The following NSMAF variants were observed in gnomAD, a reference collection of about 807,000 sequenced individuals.
NSMAF encodes the protein neutral sphingomyelinase activation associated factor, also known as protein FAN.
NSMAF carries 90 observed loss-of-function variants against 134.9 expected under a neutral mutation model. That is an observed-to-expected ratio of 0.67 (90% CI 0.56 to 0.79). NSMAF has a LOEUF of 0.79. Among genes scored for constraint, NSMAF ranks in the 30% least tolerant of loss-of-function variants. NSMAF has a pLI of 0.00. For missense variants in NSMAF, 1,010 were observed against 1,119.0 expected (o/e 0.90, Z 1.39); for synonymous variants, 358 against 389.6 (o/e 0.92, Z 0.96).
At chr8:58,627,336 T>C (rs1806958727) in intron 6 of NSMAF, among the ~76,000 whole-genome samples, 1 of 152,162 alleles carries the variant, frequency 6.6e-6, no homozygotes, top group African/African-American at 2.4e-5. Flanking sequence ...ACCACTTCTA[T>C]TCAACATAGT....
In NSMAF at chr8:58,602,052, A is replaced by G; in HGVS notation, c.1125+6T>C. 6.2e-7 allele frequency: 1 copy of G among 1,608,022 alleles called. No individual in the cohort carries two copies. The highest frequency in any genetic ancestry group is 8.5e-7 in the Non-Finnish European group (1 of 1,175,338). On this transcript the variant is annotated splice_donor_region_variant and intron_variant, in intron 14 of 30. Transcript: ENST00000038176. ...TTAGAAACCAAGAATCTCTAAGTCC[A>G]CATACCAGTAGTCTCTCCAGCCGTT...
At chr8:58,620,264 A>C (rs950401428) in intron 9 of NSMAF, among the ~76,000 whole-genome samples, 1 of 152,224 alleles carries the variant, frequency 6.6e-6, no homozygotes, top group African/African-American at 2.4e-5. Flanking sequence ...AAGAAGAATA[A>C]GCAACAGCCA....
intron 1 of NSMAF, among the ~76,000 whole-genome samples, chr8:58,650,120 G>A (rs894500425): frequency 3.3e-5 from 5 of 152,152 alleles, no homozygotes; most frequent in African/African-American, 4.8e-5. Context: ...CCCATCTTGC[G>A]AAAGTTCATC....
intron 12 of NSMAF, among the ~76,000 whole-genome samples, chr8:58,604,801 T>C (rs1444202296): frequency 1.3e-5 from 2 of 152,148 alleles, no homozygotes; most frequent in Admixed American, 1.3e-4. Flanking sequence ...TGAATTGCAG[T>C]GGTGTGATCA....
At chr8:58,589,950 C>T in intron 25 of NSMAF, 57 bp downstream of exon 25, 2 of 1,454,072 alleles carry the variant, frequency 1.4e-6, no homozygotes, top group Non-Finnish European at 1.9e-6. Context: ...CACCTCATGT[C>T]CACAGAGGCA....
At chr8:58,603,452 G>A (rs1218293041) in intron 12 of NSMAF, 66 bp from the exon 13 acceptor site, 2 of 1,489,986 alleles carry the variant, frequency 1.3e-6, no homozygotes, top group Non-Finnish European at 1.9e-6. Context: ...AAAGCTAGGG[G>A]CTTAACGTGT....
intron 6 of NSMAF, among the ~76,000 whole-genome samples, chr8:58,628,450 TCTC>T (rs1426904005): frequency 6.6e-6 from 1 of 152,222 alleles, no homozygotes; most frequent in Non-Finnish European, 1.5e-5. Context: ...CAGATACCTG[TCTC>T]CTTTTATGTT....
chr8:58,601,192 C>CT, intron 16 of NSMAF, 93 bp downstream of exon 16: 3 of 1,105,562 alleles, frequency 2.7e-6, no homozygotes, highest in Non-Finnish European at 4.0e-6. Context: ...CATTTCTTTA[C>CT]TTTTTTATTA....
intron 19 of NSMAF, among the ~76,000 whole-genome samples, chr8:58,598,802 C>G (rs994119429): frequency 2.0e-5 from 3 of 152,020 alleles, no homozygotes; most frequent in Non-Finnish European, 4.4e-5. Context: ...GTGGGCAGAT[C>G]ACCTGAGGTC....
At chr8:58,599,918 A>G in intron 17 of NSMAF, 48 bp from the exon 18 acceptor site, 1 of 1,613,326 alleles carries the variant, frequency 6.2e-7, no homozygotes, top group Non-Finnish European at 8.5e-7. Flanking sequence ...CATGTTTTAA[A>G]GCAGTTAGAA....
At chr8:58,640,774 C>T (rs1017616748) in intron 2 of NSMAF, among the ~76,000 whole-genome samples, 6 of 152,008 alleles carry the variant, frequency 3.9e-5, no homozygotes, top group African/African-American at 1.4e-4. Flanking sequence ...GTTGATCAGG[C>T]TGGTCTCAAA....
At chr8:58,602,520 A>G (rs55909077) in intron 13 of NSMAF, among the ~76,000 whole-genome samples, 13,199 of 152,182 alleles carry the variant, frequency 0.087, 1,542 homozygotes, top group African/African-American at 0.27. Flanking sequence ...TTATTCTTCA[A>G]TATTAGCCTA....
intron 1 of NSMAF, among the ~76,000 whole-genome samples, chr8:58,644,198 C>T (rs1807394757): frequency 6.6e-6 from 1 of 152,130 alleles, no homozygotes; most frequent in African/African-American, 2.4e-5. Flanking sequence ...TGGCAGATTA[C>T]ACATATATGT....
At chr8:58,634,721 T>C (rs1394041510) in intron 5 of NSMAF, among the ~76,000 whole-genome samples, 2 of 152,188 alleles carry the variant, frequency 1.3e-5, no homozygotes, top group Admixed American at 1.3e-4. Flanking sequence ...CATGCCTATA[T>C]TGAGTGCAGT....
At chr8:58,656,094 C>T (rs1251792919) in intron 1 of NSMAF, among the ~76,000 whole-genome samples, 1 of 151,882 alleles carries the variant, frequency 6.6e-6, no homozygotes, top group Non-Finnish European at 1.5e-5. Flanking sequence ...TCTCGGCTCA[C>T]TACAACCTCC....
intron 1 of NSMAF, among the ~76,000 whole-genome samples, chr8:58,658,166 G>A (rs1455907603): frequency 6.6e-6 from 1 of 152,122 alleles, no homozygotes; most frequent in African/African-American, 2.4e-5. Context: ...ACTCAATACA[G>A]AGCACCAACA....
At chr8:58,587,342 C>T (rs541892876) in intron 27 of NSMAF, among the ~76,000 whole-genome samples, 2 of 152,254 alleles carry the variant, frequency 1.3e-5, no homozygotes, top group South Asian at 2.1e-4. Context: ...AAATATTCAA[C>T]GTCCTGCTCA....
chr8:58,646,724 TAA>T (rs763852758), intron 1 of NSMAF, among the ~76,000 whole-genome samples: 2 of 152,116 alleles, frequency 1.3e-5, no homozygotes, highest in African/African-American at 2.4e-5. Flanking sequence ...TTTTACGGAG[TAA>T]AAGAGTCCAT....
Position 58,603,069 on chromosome 8 carries a change from T to G in NSMAF, c.1045+141A>C, listed in dbSNP as rs899419767. The G allele has an allele frequency of 3.7e-6, 3 of 800,388 alleles. No homozygotes were observed. In the African/African-American group the frequency reaches 5.2e-5, roughly 14 times the overall value. 49.6% of individuals were successfully genotyped at this position (800,388 alleles called of 1,614,324 possible). ...ATCCTGGAATGGAAATTGGCAGTCC[T>G]TAGCAATACAACTGAAATGAGTTGT... is the stretch of plus-strand genomic sequence containing the variant. On this transcript the variant is annotated intron_variant, in intron 13 of 30. Transcript: ENST00000038176.
Sources: gnomAD v4.1 joint callset for allele counts (sites outside exome capture counted in the v4.1 genomes callset) on GRCh38, gnomAD v4.1.1 for gene constraint, MANE v1.5 for transcripts, NCBI Gene and HGNC (gene_info 2026-07-23, HGNC 2026-07-21) for gene names.